Variants in KLHL1 observed in about 807,000 individuals in gnomAD.
KLHL1 encodes kelch like family member 1.
KLHL1 carries 47 observed loss-of-function variants against 77.7 expected under a neutral mutation model. That is an observed-to-expected ratio of 0.60 (90% confidence interval 0.48 to 0.77). KLHL1 has a LOEUF of 0.77. KLHL1 is among the 30% of genes least tolerant of loss of function. KLHL1 has a pLI of 0.00. For missense variants in KLHL1, 925 were observed against 910.8 expected, an observed-to-expected ratio of 1.02 and a Z score of -0.20; for synonymous variants, 360 against 325.2, an observed-to-expected ratio of 1.11 and a Z score of -1.15.
intron 7 of KLHL1, among the ~76,000 whole-genome samples, chr13:69,778,197 C>T (rs904822816): frequency 1.3e-5 from 2 of 152,060 alleles, no homozygotes; most frequent in African/African-American, 4.8e-5. Context: ...TTAATCTAGA[C>T]TTTTAAACCA....
intron 7 of KLHL1, among the ~76,000 whole-genome samples, chr13:69,777,006 T>G (rs1158345784): frequency 6.8e-6 from 1 of 147,160 alleles, no homozygotes; most frequent in Non-Finnish European, 1.5e-5. Context: ...GCTCCCATAA[T>G]CCCCACGTGT....
In KLHL1 at chr13:69,858,822, G is replaced by C. The variant is rs149853152; in HGVS notation, c.1228-19660C>G. Among the ~76,000 whole-genome samples the C allele has an allele frequency of 3.8e-3, 580 of 152,112 alleles. 3 individuals are homozygous for C. Among genetic ancestry groups the C allele is most frequent in the African/African-American group, 0.013 (540 of 41,546 alleles). On this transcript the variant is annotated intron_variant, in intron 5 of 10. Transcript: ENST00000377844. ...GTACAGGTTTGCCAAGCATGGAAAA[G>C]AGTAAGGCTATTTCAGAAAGAAAGA...
At chr13:69,980,291 A>G (rs1884668854) in intron 1 of KLHL1, among the ~76,000 whole-genome samples, 1 of 152,182 alleles carries the variant, frequency 6.6e-6, no homozygotes, top group African/African-American at 2.4e-5. Flanking sequence ...ACAACAAATA[A>G]TTACTCATGT....
At position 69,980,231 on chromosome 13, in the gene KLHL1, G is replaced by T. The variant is rs147699030; in HGVS notation, c.498-4429C>A. Among the ~76,000 whole-genome samples the T allele has an allele frequency of 3.4e-3, 518 of 152,186 alleles. 3 individuals carry two copies. The highest frequency in any genetic ancestry group is 0.012 in the African/African-American group (491 of 41,516). ...CAAATAAGTTAGTTACTTCCTCAAG[G>T]AAATATTTACTTCTGTAAGAATAGA... On this transcript the variant is annotated intron_variant, in intron 1 of 10. Transcript: ENST00000377844.
intron 5 of KLHL1, among the ~76,000 whole-genome samples, chr13:69,847,840 G>C (rs1165382658): frequency 6.6e-6 from 1 of 151,456 alleles, no homozygotes; most frequent in African/African-American, 2.4e-5. Context: ...TGCCTTTCAA[G>C]TTTTGTGCAT....
intron 8 of KLHL1, among the ~76,000 whole-genome samples, chr13:69,736,157 C>T (rs1873752903): frequency 6.6e-6 from 1 of 152,090 alleles, no homozygotes; most frequent in South Asian, 2.1e-4. Flanking sequence ...TGACTAATAT[C>T]CAGAATCTAC....
chr13:70,099,044 T>A (rs916132654), intron 1 of KLHL1, among the ~76,000 whole-genome samples: 1 of 151,954 alleles, frequency 6.6e-6, no homozygotes, highest in Non-Finnish European at 1.5e-5. Context: ...CAGTGTAACA[T>A]GTCAAGAACA....
rs576243954 is a variant in KLHL1, at chr13:69,966,786, C to T, written c.681-5342G>A. ...CCCACCTCCTCACTCTTCTGGATCT[C>T]CATTATCTATTATTCAACTCTCTAT... On this transcript the variant is annotated intron_variant, in intron 2 of 10. Transcript: ENST00000377844. Among the ~76,000 whole-genome samples the T allele has an allele frequency of 2.0e-5, 3 of 152,136 alleles. No individual in the cohort carries two copies. The South Asian group carries it at 6.2e-4, about 32-fold the overall frequency.
chr13:69,856,651 A>T (rs1288389873), intron 5 of KLHL1, among the ~76,000 whole-genome samples: 1 of 152,010 alleles, frequency 6.6e-6, no homozygotes, highest in Non-Finnish European at 1.5e-5. Flanking sequence ...CAATCACCTT[A>T]CTTTGTTATT....
chr13:69,921,533 C>G (rs1882634504), intron 4 of KLHL1, among the ~76,000 whole-genome samples: 1 of 152,120 alleles, frequency 6.6e-6, no homozygotes, highest in African/African-American at 2.4e-5. Context: ...CTCTGTCCTC[C>G]CTATTTAATA....
intron 6 of KLHL1, among the ~76,000 whole-genome samples, chr13:69,822,958 C>T (rs879446211): frequency 6.6e-6 from 1 of 151,928 alleles, no homozygotes; most frequent in Non-Finnish European, 1.5e-5. Flanking sequence ...TTTATAACAA[C>T]TTATTTTGCT....
At chr13:69,725,980 G>C (rs1165318122) in intron 8 of KLHL1, among the ~76,000 whole-genome samples, 1 of 152,054 alleles carries the variant, frequency 6.6e-6, no homozygotes, top group Non-Finnish European at 1.5e-5. Flanking sequence ...CTCTCAGTCA[G>C]CTGAGGTTGT....
chr13:69,990,905 A>G (rs905064241), intron 1 of KLHL1, among the ~76,000 whole-genome samples: 1 of 151,932 alleles, frequency 6.6e-6, no homozygotes, highest in Non-Finnish European at 1.5e-5. Context: ...GCAATTGGAC[A>G]TAAAACAACC....
At chr13:69,992,582 T>C (rs1885053660) in intron 1 of KLHL1, among the ~76,000 whole-genome samples, 1 of 152,014 alleles carries the variant, frequency 6.6e-6, no homozygotes, top group Admixed American at 6.6e-5. Context: ...AAAAAATTCA[T>C]ATGAGACCAT....
intron 7 of KLHL1, among the ~76,000 whole-genome samples, chr13:69,744,276 G>A (rs1005835777): frequency 6.6e-6 from 1 of 152,058 alleles, no homozygotes; most frequent in African/African-American, 2.4e-5. Context: ...AGTAACAGTG[G>A]AGAAAGTTTC....
At chr13:69,900,337 G>T (rs1881811589) in intron 4 of KLHL1, among the ~76,000 whole-genome samples, 1 of 152,064 alleles carries the variant, frequency 6.6e-6, no homozygotes, top group Non-Finnish European at 1.5e-5. Context: ...CACCAGCTTT[G>T]AATATACCTC....
intron 1 of KLHL1, among the ~76,000 whole-genome samples, chr13:70,022,277 GTGTT>G (rs749706869): frequency 0.042 from 3,757 of 89,224 alleles, 82 homozygotes; most frequent in African/African-American, 0.12. Flanking sequence ...GATTACGTGT[GTGTT>G]TGTGTGTGTG....
chr13:69,756,522 C>T (rs1325979101), intron 7 of KLHL1, among the ~76,000 whole-genome samples: 2 of 152,188 alleles, frequency 1.3e-5, no homozygotes, highest in Admixed American at 1.3e-4. Flanking sequence ...GCTTTTAAAA[C>T]TTGCTGTATA....
intron 4 of KLHL1, among the ~76,000 whole-genome samples, chr13:69,886,965 T>G (rs984208972): frequency 1.3e-5 from 2 of 152,230 alleles, no homozygotes; most frequent in East Asian, 1.9e-4. Context: ...TAAACAGTTA[T>G]TGGTTAGAAA....
Sources: gnomAD v4.1 joint callset for allele counts (sites outside exome capture counted in the v4.1 genomes callset) on GRCh38, gnomAD v4.1.1 for gene constraint, MANE v1.5 for transcripts, NCBI Gene and HGNC (gene_info 2026-07-23, HGNC 2026-07-21) for gene names.